The following ERBIN variants were observed in gnomAD, a reference collection of about 807,000 sequenced individuals.
ERBIN encodes densin-180-like protein.
A neutral mutation model predicts 158.4 loss-of-function variants in ERBIN; 60 were observed. The ratio of observed to expected loss-of-function variants is 0.38; its 90% CI spans 0.31 to 0.47. The LOEUF (loss-of-function observed/expected upper bound fraction) is 0.47, where lower values mean the gene tolerates loss of function less well. ERBIN is among the 20% of genes least tolerant of loss of function. ERBIN has a pLI of 0.99. For missense variants in ERBIN, 1,610 were observed against 1,648.0 expected (o/e 0.98, Z 0.40); for synonymous variants, 594 against 557.2 (o/e 1.07, Z -0.93).
rs544755801 is a variant in ERBIN, at chr5:66,063,498, G to A, written c.3633+8547G>A. Among the ~76,000 whole-genome samples, 47 of 152,216 alleles carry A rather than the reference G, an allele frequency of 3.1e-4. No individual in the cohort carries two copies. In the South Asian group the frequency reaches 5.4e-3, roughly 17 times the overall value. On this transcript the variant is annotated intron_variant, in intron 21 of 25. Transcript: ENST00000284037. Reference sequence around the variant, plus strand: ...ACCCCTTGTGTTTTCCAGGTGAGGCGATGCCTCACCCTGCTTCGGCTCAGG... The same window carrying A: ...ACCCCTTGTGTTTTCCAGGTGAGGCAATGCCTCACCCTGCTTCGGCTCAGG...
chr5:66,025,057 T>G lies in ERBIN; in HGVS notation c.818-423T>G, dbSNP rs557854710. On this transcript the variant is annotated intron_variant, in intron 10 of 25. Transcript: ENST00000284037. ...TAAACTTAAAAAATATTTTACTGTT[T>G]TAGTATTTAGTATATATGGAATAGT... Among the ~76,000 whole-genome samples the G allele has an allele frequency of 2.0e-5, 3 of 152,246 alleles. No individual in the cohort carries two copies. In the South Asian group the frequency reaches 6.2e-4, roughly 32 times the overall value.
At chr5:65,962,791 T>C (rs1380951556) in intron 1 of ERBIN, among the ~76,000 whole-genome samples, 1 of 152,214 alleles carries the variant, frequency 6.6e-6, no homozygotes, top group African/African-American at 2.4e-5. Context: ...TTAAAGCCTC[T>C]TTAAATCTGA....
chr5:66,034,357 T>G (rs1233951428), intron 14 of ERBIN, among the ~76,000 whole-genome samples: 2 of 151,992 alleles, frequency 1.3e-5, no homozygotes, highest in Non-Finnish European at 2.9e-5. Flanking sequence ...TGGCTCCATC[T>G]TGGCTCTCTG....
chr5:66,039,518 GACAA>G lies in ERBIN; in HGVS notation c.1306+1042_1306+1045del, dbSNP rs1757737601. Among the ~76,000 whole-genome samples, 17 of 152,034 alleles carry G rather than the reference GACAA, an allele frequency of 1.1e-4. 1 individual carries two copies. The South Asian group carries it at 3.5e-3, about 31-fold the overall frequency. On this transcript the variant is annotated intron_variant, in intron 15 of 25. Transcript: ENST00000284037. ...TTGAGACATAAGTTTCAGTGAGTAA[GACAA>G]ACAAAAAACTTAGCTATTGATGCAT...
At chr5:65,930,603 C>T (rs1454752752) in intron 1 of ERBIN, among the ~76,000 whole-genome samples, 3 of 152,152 alleles carry the variant, frequency 2.0e-5, no homozygotes, top group Admixed American at 1.3e-4. Context: ...CCACCGCTCC[C>T]GGCCATTGTT....
chr5:66,055,373 T>C (rs952918525), intron 21 of ERBIN, among the ~76,000 whole-genome samples: 5 of 152,198 alleles, frequency 3.3e-5, no homozygotes, highest in Admixed American at 3.3e-4. Flanking sequence ...TAATATTTTT[T>C]CCCCAGTCCA....
intron 20 of ERBIN, 114 bp downstream of exon 20, chr5:66,051,080 AAT>A: frequency 3.2e-6 from 2 of 619,374 alleles, no homozygotes; most frequent in Non-Finnish European, 5.2e-6. Flanking sequence ...TGGTTCCAGT[AAT>A]ATGTTTTATT....
At chr5:65,984,225 G>T (rs1372476602) in intron 1 of ERBIN, among the ~76,000 whole-genome samples, 4 of 151,376 alleles carry the variant, frequency 2.6e-5, no homozygotes, top group Non-Finnish European at 5.9e-5. Flanking sequence ...ACCCAGCGTG[G>T]CCTCCTTGCA....
At chr5:66,064,615 A>G (rs1261415840) in intron 21 of ERBIN, among the ~76,000 whole-genome samples, 3 of 152,334 alleles carry the variant, frequency 2.0e-5, no homozygotes, top group African/African-American at 7.2e-5. Flanking sequence ...TTTCCTGAGC[A>G]TATAGAGTAT....
At chr5:65,996,786 C>T (rs1752488120) in intron 4 of ERBIN, among the ~76,000 whole-genome samples, 1 of 152,056 alleles carries the variant, frequency 6.6e-6, no homozygotes, top group African/African-American at 2.4e-5. Flanking sequence ...ATTTATTGTG[C>T]TGCTTCAATT....
At chr5:65,946,602 G>A (rs1383149792) in intron 1 of ERBIN, among the ~76,000 whole-genome samples, 1 of 152,192 alleles carries the variant, frequency 6.6e-6, no homozygotes, top group Non-Finnish European at 1.5e-5. Context: ...GAATATTCAT[G>A]TAGAGGTTTT....
chr5:65,951,003 G>A (rs1187292125), intron 1 of ERBIN, among the ~76,000 whole-genome samples: 1 of 152,128 alleles, frequency 6.6e-6, no homozygotes, highest in Non-Finnish European at 1.5e-5. Context: ...TTCTTGCTGT[G>A]CTGTTACATT....
At chr5:65,945,975 T>TTTTTTA (rs1195846140) in intron 1 of ERBIN, among the ~76,000 whole-genome samples, 1 of 152,154 alleles carries the variant, frequency 6.6e-6, no homozygotes, top group Non-Finnish European at 1.5e-5. Context: ...GGATCACCTG[T>TTTTTTA]TTTTTATTTT....
intron 1 of ERBIN, among the ~76,000 whole-genome samples, chr5:65,957,192 A>C (rs1747244316): frequency 6.6e-6 from 1 of 151,618 alleles, no homozygotes; most frequent in Non-Finnish European, 1.5e-5. Flanking sequence ...GGTTCAATGT[A>C]GGATTTTTTT....
intron 14 of ERBIN, among the ~76,000 whole-genome samples, chr5:66,034,933 G>T (rs1757247376): frequency 6.6e-6 from 1 of 152,134 alleles, no homozygotes; most frequent in Admixed American, 6.5e-5. Context: ...AAAGACAGGA[G>T]TAAATGGTGG....
chr5:66,046,263 T>C (rs1316963674), intron 17 of ERBIN, 90 bp from the exon 18 acceptor site: 6 of 719,986 alleles, frequency 8.3e-6, no homozygotes, highest in Non-Finnish European at 1.3e-5. Flanking sequence ...GAATTGGAAG[T>C]TGGCAAATTG....
chr5:65,953,396 A>G (rs1746742201), intron 1 of ERBIN, among the ~76,000 whole-genome samples: 1 of 152,186 alleles, frequency 6.6e-6, no homozygotes, highest in Non-Finnish European at 1.5e-5. Context: ...CAGTTAGACA[A>G]GTCCTCTTGG....
rs1235091155 is a variant in ERBIN, at chr5:65,982,981, T to C, written c.-57-5654T>C. ...TCCATGTCTTGATTCCTGCTGGTTATATGATTGTATTTCTCTACCATCTAT... is the reference window on the plus strand; with the variant it reads ...TCCATGTCTTGATTCCTGCTGGTTACATGATTGTATTTCTCTACCATCTAT... On this transcript the variant is annotated intron_variant, in intron 1 of 25. Transcript: ENST00000284037. Among the ~76,000 whole-genome samples the C allele has an allele frequency of 2.0e-5, 3 of 152,228 alleles. No homozygotes were observed. In the East Asian group the frequency reaches 5.8e-4, roughly 29 times the overall value.
At chr5:66,062,953 G>C (rs921053766) in intron 21 of ERBIN, among the ~76,000 whole-genome samples, 6 of 152,218 alleles carry the variant, frequency 3.9e-5, no homozygotes, top group South Asian at 2.1e-4. Flanking sequence ...TGCCCCTACT[G>C]GGGGGTGCCT....
Sources: allele counts gnomAD v4.1 joint callset (sites outside exome capture counted in the v4.1 genomes callset), GRCh38; gene constraint gnomAD v4.1.1; transcripts MANE v1.5; gene names NCBI Gene and HGNC (gene_info 2026-07-23, HGNC 2026-07-21).